GLI2: variants seen among roughly 807,000 people sequenced by gnomAD.
GLI2 encodes GLI family zinc finger 2.
A neutral mutation model predicts 78.9 loss-of-function variants in GLI2; 22 were observed. The observed-to-expected ratio is 0.28, with a 90% CI of 0.20 to 0.40. The LOEUF (loss-of-function observed/expected upper bound fraction) is 0.40. Among genes scored for constraint, GLI2 ranks in the 10% least tolerant of loss-of-function variants. The probability of loss-of-function intolerance (pLI) is 1.00; values close to 1 mark genes in which losing one functional copy is unlikely to be tolerated. For synonymous variants in GLI2, 974 were observed against 963.7 expected (o/e 1.01, Z -0.20); for missense variants, 2,097 against 2,213.2 (o/e 0.95, Z 1.05).
intron 2 of GLI2, among the ~76,000 whole-genome samples, chr2:120,910,300 G>C (rs1003056169): frequency 1.3e-5 from 2 of 152,190 alleles, no homozygotes; most frequent in African/African-American, 4.8e-5. Flanking sequence ...CGGTCTGTCA[G>C]GGCTTCTTGC....
At chr2:120,906,791 A>G (rs1214744934) in intron 2 of GLI2, among the ~76,000 whole-genome samples, 2 of 152,136 alleles carry the variant, frequency 1.3e-5, no homozygotes, top group Non-Finnish European at 2.9e-5. Flanking sequence ...GGTAGTTAGC[A>G]TCCTTCCTCC....
chr2:120,835,188 C>T (rs1686550737), intron 2 of GLI2, among the ~76,000 whole-genome samples: 1 of 152,134 alleles, frequency 6.6e-6, no homozygotes, highest in Admixed American at 6.5e-5. Context: ...CATTGCTGTA[C>T]TCATTTGATA....
At chr2:120,917,434 CTG>C (rs1558880743) in intron 2 of GLI2, among the ~76,000 whole-genome samples, 1 of 152,252 alleles carries the variant, frequency 6.6e-6, no homozygotes, top group African/African-American at 2.4e-5. Context: ...AGGCCCCACT[CTG>C]TTCTCCTGAG....
chr2:120,743,201 G>A (rs1411182331), intron 1 of GLI2, among the ~76,000 whole-genome samples: 1 of 152,208 alleles, frequency 6.6e-6, no homozygotes, highest in East Asian at 1.9e-4. Flanking sequence ...TGGGGACCAA[G>A]GAAGGCTTCC....
chr2:120,752,662 T>C (rs1299709615), intron 1 of GLI2, among the ~76,000 whole-genome samples: 1 of 152,256 alleles, frequency 6.6e-6, no homozygotes, highest in African/African-American at 2.4e-5. Flanking sequence ...ACATACATTA[T>C]AAAGTTTTCG....
intron 2 of GLI2, among the ~76,000 whole-genome samples, chr2:120,807,649 C>T (rs571010776): frequency 6.6e-5 from 10 of 152,256 alleles, no homozygotes; most frequent in Admixed American, 1.3e-4. Context: ...CTGAGCTGAG[C>T]GGGAAGCACT....
rs757261582 is a variant in GLI2, at chr2:120,955,425, T to C, written c.638T>C (p.Val213Ala). Residue 213 changes from valine (V) to alanine (A), a missense_variant, in exon 5 of 14, where the codon GTG becomes GCG. This residue lies in a region of GLI2 where 578 missense variants were observed against 612.0 expected (regional missense o/e 0.94). Transcript: ENST00000361492. ...APHLHDYLNPVDVSRFSSPRV... is the reference protein window; with the variant it reads ...APHLHDYLNPADVSRFSSPRV... ...CATCTCCACGACTACCTCAACCCCG[T>C]GGACGGTGAGTGCTGGCCCCCAGGG... 1.3e-6 allele frequency: 2 copies of C among 1,599,460 alleles called. No homozygotes were observed. Among genetic ancestry groups the C allele is most frequent in the Admixed American group, 3.4e-5 (2 of 58,942 alleles).
At chr2:120,768,323 G>A (rs1022562823) in intron 1 of GLI2, among the ~76,000 whole-genome samples, 4 of 152,230 alleles carry the variant, frequency 2.6e-5, no homozygotes, top group African/African-American at 9.6e-5. Context: ...AGCGCCCTCA[G>A]AGCTGGGGTT....
rs1344630169 is a variant in GLI2 at position 120,968,780 on chromosome 2, C to G, written c.710C>G (p.Pro237Arg). The G allele has an allele frequency of 6.2e-7, 1 of 1,613,732 alleles. No homozygotes were observed. Among genetic ancestry groups the G allele is most frequent in the Admixed American group, 1.7e-5 (1 of 60,014 alleles). ...LSRKRALSIS[P>R]LSDASLDLQR... ...CGCAAGCGGGCGCTGTCCATCTCCC[C>G]ACTCTCAGACGCCAGCCTGGACCTG... is the stretch of plus-strand genomic sequence containing the variant. The change falls in exon 6 of 14, where the codon CCA (proline) becomes CGA (arginine). Residue 237 changes from proline (P) to arginine (R), a missense_variant. Pro to Arg is a moderately radical substitution (Grantham distance 103). This residue lies in a region of GLI2 where 578 missense variants were observed against 612.0 expected (regional missense o/e 0.94). Coordinates refer to ENST00000361492, the MANE Select transcript of GLI2 (RefSeq NM_001374353.1).
chr2:120,902,185 A>ACCCCCCCCCCC (rs11358856), intron 2 of GLI2, among the ~76,000 whole-genome samples: 21 of 116,298 alleles, frequency 1.8e-4, no homozygotes, highest in East Asian at 5.4e-4. Context: ...ATTGACACCC[A>ACCCCCCCCCCC]CCCCCCCCCA....
chr2:120,951,867 A>G (rs577057770), intron 4 of GLI2: 107 of 158,704 alleles, frequency 6.7e-4, no homozygotes, highest in Non-Finnish European at 1.1e-3. Flanking sequence ...AGGTTAACGC[A>G]GGAGGCCTCC....
At chr2:120,764,040 G>A (rs1042771485) in intron 1 of GLI2, among the ~76,000 whole-genome samples, 10 of 152,248 alleles carry the variant, frequency 6.6e-5, no homozygotes, top group Non-Finnish European at 1.3e-4. Context: ...CCACACTGGT[G>A]ATGTGGGCCC....
intron 12 of GLI2, among the ~76,000 whole-genome samples, chr2:120,985,464 G>T (rs1259383875): frequency 2.0e-5 from 3 of 152,200 alleles, no homozygotes; most frequent in Non-Finnish European, 4.4e-5. Flanking sequence ...ATGCGTCTAG[G>T]CTACAGAAGG....
At chr2:120,981,005 G>A (rs374170164) in intron 10 of GLI2, among the ~76,000 whole-genome samples, 14 of 151,834 alleles carry the variant, frequency 9.2e-5, no homozygotes, top group African/African-American at 2.2e-4. Flanking sequence ...CTCAGCCTCC[G>A]GAGTAGCTGG....
At chr2:120,781,532 C>G (rs889396634) in intron 1 of GLI2, among the ~76,000 whole-genome samples, 1 of 152,220 alleles carries the variant, frequency 6.6e-6, no homozygotes. Flanking sequence ...AATATTTTCT[C>G]TGTATTTATT....
intron 2 of GLI2, among the ~76,000 whole-genome samples, chr2:120,879,589 G>T (rs944433176): frequency 2.0e-5 from 3 of 152,192 alleles, no homozygotes; most frequent in Non-Finnish European, 2.9e-5. Flanking sequence ...GGCCACGGCG[G>T]GCTGGACAGC....
At chr2:120,837,408 A>AC (rs1686669240) in intron 2 of GLI2, among the ~76,000 whole-genome samples, 1 of 150,026 alleles carries the variant, frequency 6.7e-6, no homozygotes, top group Admixed American at 6.6e-5. Flanking sequence ...AAAAAAAAAA[A>AC]AAAAAAGTCT....
intron 2 of GLI2, among the ~76,000 whole-genome samples, chr2:120,919,996 C>T (rs2104841994): frequency 6.6e-6 from 1 of 152,392 alleles, no homozygotes; most frequent in South Asian, 2.1e-4. Flanking sequence ...TTCCCTCCAT[C>T]AGTGCTGGGG....
In GLI2 at chr2:120,976,732, G is replaced by A. The variant is rs113832296; in HGVS notation, c.1317+1623G>A. The stretch of plus-strand genomic sequence containing the variant: ...ACTGGGAGGAGGGCTTTAGCCAGGG[G>A]CTTCTGCCTGTGCCCTGGACTGTCC... On this transcript the variant is annotated intron_variant, in intron 9 of 13. Coordinates refer to ENST00000361492, the MANE Select transcript of GLI2 (RefSeq NM_001374353.1). 1.7e-3 allele frequency among the ~76,000 whole-genome samples: 258 copies of A among 152,290 alleles called. 2 individuals carry two copies. The highest frequency in any genetic ancestry group is 5.0e-3 in the African/African-American group (207 of 41,566).
Sources: allele counts gnomAD v4.1 joint callset (sites outside exome capture counted in the v4.1 genomes callset), GRCh38; gene constraint gnomAD v4.1.1; regional missense constraint gnomAD v4.1.1; transcripts MANE v1.5; gene names NCBI Gene and HGNC (gene_info 2026-07-23, HGNC 2026-07-21).